KMT2C: variants seen among roughly 807,000 people sequenced by gnomAD.
KMT2C encodes the protein lysine methyltransferase 2C, also known as histone-lysine N-methyltransferase 2C.
KMT2C carries 88 observed loss-of-function variants against 507.9 expected under a neutral mutation model. The observed-to-expected ratio is 0.17, with a 90% CI of 0.15 to 0.21. KMT2C has a LOEUF of 0.21. Ranked by LOEUF, KMT2C falls within the 10% of genes least tolerant of loss-of-function variation. The probability of loss-of-function intolerance (pLI) is 1.00; values close to 1 mark genes in which losing one functional copy is unlikely to be tolerated. For synonymous variants in KMT2C, 2,049 were observed against 2,080.8 expected, an observed-to-expected ratio of 0.98 and a Z score of 0.42; for missense variants, 4,954 against 5,957.8, an observed-to-expected ratio of 0.83 and a Z score of 5.55.
At chr7:152,315,008 C>T in intron 4 of KMT2C, 130 bp downstream of exon 4, 1 of 712,972 alleles carries the variant, frequency 1.4e-6, no homozygotes. Context: ...TCAGAGTATC[C>T]CATAAATGTG....
chr7:152,198,875 AAC>A (rs2094044914), intron 27 of KMT2C, among the ~76,000 whole-genome samples: 1 of 152,178 alleles, frequency 6.6e-6, no homozygotes, highest in African/African-American at 2.4e-5. Flanking sequence ...TCACTGTAGT[AAC>A]ACAGTATGCC....
intron 27 of KMT2C, among the ~76,000 whole-genome samples, chr7:152,196,721 T>C (rs2093974159): frequency 6.6e-6 from 1 of 152,102 alleles, no homozygotes; most frequent in Non-Finnish European, 1.5e-5. Context: ...GCTGCGGGGA[T>C]GTTGTATTAG....
intron 23 of KMT2C, among the ~76,000 whole-genome samples, chr7:152,214,263 C>T (rs900176483): frequency 8.5e-5 from 13 of 152,154 alleles, no homozygotes; most frequent in African/African-American, 3.1e-4. Context: ...GACATCTGCA[C>T]TCCCATATTC....
intron 37 of KMT2C, among the ~76,000 whole-genome samples, chr7:152,179,372 T>C (rs2093347030): frequency 6.6e-6 from 1 of 152,210 alleles, no homozygotes; most frequent in Admixed American, 6.5e-5. Context: ...GTAGGAGGCT[T>C]TGCCTACGCA....
intron 6 of KMT2C, among the ~76,000 whole-genome samples, chr7:152,299,412 G>A (rs1251421340): frequency 1.3e-5 from 2 of 152,010 alleles, no homozygotes; most frequent in Non-Finnish European, 2.9e-5. Flanking sequence ...CCAGCACTCT[G>A]GGTGGCCAAG....
chr7:152,426,180 C>T (rs2097816073), intron 1 of KMT2C, among the ~76,000 whole-genome samples: 2 of 151,636 alleles, frequency 1.3e-5, no homozygotes, highest in South Asian at 4.2e-4. Context: ...AAAATCTTTG[C>T]CACCCCACTA....
In KMT2C at chr7:152,181,006, T is replaced by A. The variant is rs773458728; in HGVS notation, c.6854A>T (p.Asp2285Val). ...AGATGGGGAAACACGGCTAAATGTGTCTGAAAGACCAGGTCCAGGGGGCCT... is the reference window on the plus strand; with the variant it reads ...AGATGGGGAAACACGGCTAAATGTGACTGAAAGACCAGGTCCAGGGGGCCT... ...TPRPPGPGLS[D>V]TFSRVSPSAA... is the part of the protein sequence containing the mutation. The change falls in exon 36 of 59, where the codon GAC (aspartate) becomes GTC (valine). Residue 2285 changes from aspartate to valine, a missense_variant. Transcript: ENST00000262189. 1.2e-6 allele frequency: 2 copies of A among 1,614,192 alleles called. No individual in the cohort carries two copies. The highest frequency in any genetic ancestry group is 2.2e-5 in the South Asian group (2 of 91,078).
chr7:152,178,358 A>G (rs1404954693), intron 37 of KMT2C, among the ~76,000 whole-genome samples: 5 of 152,144 alleles, frequency 3.3e-5, no homozygotes, highest in Non-Finnish European at 5.9e-5. Context: ...AGTTTCTTTT[A>G]TCTATATTTA....
At position 152,181,290 on chromosome 7, in the gene KMT2C, A is replaced by G; in HGVS notation, c.6570T>C (p.Phe2190=). The change falls in exon 36 of 59, where the codon TTT becomes TTC. Residue 2190 remains phenylalanine (F), a synonymous_variant. Transcript: ENST00000262189. The stretch of plus-strand genomic sequence containing the variant: ...GCCTCTGATTTGTTACAGGTGTAAC[A>G]AACAAGTCAGTTTGTGTAGATGGTC... The part of the protein sequence containing the change: ...TPRPSTQTDL[F]VTPVTNQRHS... The G allele has an allele frequency of 6.2e-7, 1 of 1,614,120 alleles. No homozygotes were observed. The highest frequency in any genetic ancestry group is 8.5e-7 in the Non-Finnish European group (1 of 1,180,032).
chr7:152,210,239 T>TA (rs2094422853), intron 23 of KMT2C, among the ~76,000 whole-genome samples: 1 of 152,128 alleles, frequency 6.6e-6, no homozygotes, highest in African/African-American at 2.4e-5. Context: ...CATCTAAAGA[T>TA]ACGGAAACCA....
intron 3 of KMT2C, among the ~76,000 whole-genome samples, 159 bp downstream of exon 3, chr7:152,330,442 A>G (rs2096872423): frequency 6.6e-6 from 1 of 152,148 alleles, no homozygotes; most frequent in Admixed American, 6.5e-5. Flanking sequence ...AACTCATCCC[A>G]ACTAAACACA....
chr7:152,150,069 G>T (rs1236556383), intron 51 of KMT2C, among the ~76,000 whole-genome samples: 1 of 152,136 alleles, frequency 6.6e-6, no homozygotes, highest in South Asian at 2.1e-4. Flanking sequence ...ACATACCAGA[G>T]CAATAACCTG....
intron 33 of KMT2C, 68 bp downstream of exon 33, chr7:152,187,194 T>TA (rs796153743): frequency 0.022 from 24,847 of 1,119,422 alleles, 149 homozygotes; most frequent in African/African-American, 0.085. Context: ...CTATTGCAGT[T>TA]AAAAAAAAAA....
intron 1 of KMT2C, among the ~76,000 whole-genome samples, chr7:152,375,225 A>G (rs972023943): frequency 6.6e-6 from 1 of 151,898 alleles, no homozygotes; most frequent in Non-Finnish European, 1.5e-5. Context: ...TATTTTTAGT[A>G]GAGACAGGGT....
chr7:152,142,149 T>C (rs2090635431), intron 55 of KMT2C, among the ~76,000 whole-genome samples: 1 of 152,204 alleles, frequency 6.6e-6, no homozygotes, highest in Non-Finnish European at 1.5e-5. Flanking sequence ...ACCTCTAGAA[T>C]CCGTATATAA....
chr7:152,176,238 A>G lies in KMT2C; in HGVS notation c.9215T>C (p.Met3072Thr), dbSNP rs1393997501. ...TGATCGCTGACGAATCATGGCTTGC[A>G]TCTGTCTTTGCTGCTGCTGTTCTTG... ...ERQEQQQQRQMQAMIRQRSEP... is the reference protein window; with the variant it reads ...ERQEQQQQRQTQAMIRQRSEP... The change falls in exon 38 of 59, where the codon ATG (methionine) becomes ACG (threonine). Residue 3072 changes from methionine to threonine, a missense_variant. By Grantham distance (81) the Met-to-Thr change is moderately conservative (BLOSUM62 -1). Coordinates refer to ENST00000262189, the MANE Select transcript of KMT2C (RefSeq NM_170606.3). The G allele has an allele frequency of 6.2e-7, 1 of 1,613,230 alleles. No homozygotes were observed. Among genetic ancestry groups the G allele is most frequent in the South Asian group, 1.1e-5 (1 of 90,930 alleles).
chr7:152,339,175 T>C (rs2096967137), intron 2 of KMT2C, among the ~76,000 whole-genome samples: 1 of 152,222 alleles, frequency 6.6e-6, no homozygotes, highest in South Asian at 2.1e-4. Context: ...AGCGTCCTAC[T>C]TTTTCAATGG....
At chr7:152,348,467 C>A (rs2097080834) in intron 2 of KMT2C, among the ~76,000 whole-genome samples, 1 of 151,616 alleles carries the variant, frequency 6.6e-6, no homozygotes, top group African/African-American at 2.4e-5. Context: ...GGCATGGTGG[C>A]AGGTGCCTGT....
At position 152,171,268 on chromosome 7, in the gene KMT2C, G is replaced by T; in HGVS notation, c.9449C>A (p.Pro3150His). The T allele has an allele frequency of 6.2e-7, 1 of 1,604,958 alleles. No homozygotes were observed. The highest frequency in any genetic ancestry group is 1.1e-5 in the South Asian group (1 of 89,278). The change falls in exon 40 of 59, where the codon CCT becomes CAT. Residue 3150 changes from proline (P) to histidine (H), a missense_variant. This residue lies in a region of KMT2C where 1,689 missense variants were observed against 1,654.3 expected (regional missense o/e 1.02). Coordinates refer to ENST00000262189, the MANE Select transcript of KMT2C (RefSeq NM_170606.3). The part of the protein sequence containing the change: ...EGQNLGPQAI[P>H]QDGSITHQIS... Reference sequence around the variant, plus strand: ...ACTCATTACAGGCAGTGTTACCTGAGGAATGGCCTGTGGTCCAAGGTTCTG... The same window carrying T: ...ACTCATTACAGGCAGTGTTACCTGATGAATGGCCTGTGGTCCAAGGTTCTG...
Sources: gnomAD v4.1 joint callset for allele counts (sites outside exome capture counted in the v4.1 genomes callset) on GRCh38, gnomAD v4.1.1 for gene constraint, gnomAD v4.1.1 regional missense constraint, MANE v1.5 for transcripts, NCBI Gene and HGNC (gene_info 2026-07-23, HGNC 2026-07-21) for gene names.